ANKMY2: variants seen among roughly 807,000 people sequenced by gnomAD.
ANKMY2 encodes the protein ankyrin repeat and MYND domain containing 2.
ANKMY2 carries 36 observed loss-of-function variants against 50.4 expected under a neutral mutation model. The observed-to-expected ratio is 0.71, with a 90% CI of 0.55 to 0.94. The LOEUF is 0.94. ANKMY2 is among the 40% of genes least tolerant of loss of function. The probability of loss-of-function intolerance (pLI) is 0.00; values close to 1 mark genes in which losing one functional copy is unlikely to be tolerated. For synonymous variants in ANKMY2, 187 were observed against 178.8 expected, an observed-to-expected ratio of 1.05 and a Z score of -0.36; for missense variants, 565 against 524.0, an observed-to-expected ratio of 1.08 and a Z score of -0.76.
At chr7:16,606,255 G>A (rs1342458325) in intron 7 of ANKMY2, among the ~76,000 whole-genome samples, 1 of 151,970 alleles carries the variant, frequency 6.6e-6, no homozygotes, top group Non-Finnish European at 1.5e-5. Context: ...ACTTGGTGAA[G>A]CCCCGACTCT....
chr7:16,609,863 G>C, intron 6 of ANKMY2, 98 bp from the exon 7 acceptor site: 3 of 1,404,922 alleles, frequency 2.1e-6, no homozygotes, highest in Non-Finnish European at 2.9e-6. Context: ...TGTTACTTAT[G>C]ATTTTCTTTG....
chr7:16,605,167 A>G (rs1781132563), intron 7 of ANKMY2, among the ~76,000 whole-genome samples: 1 of 152,170 alleles, frequency 6.6e-6, no homozygotes, highest in Non-Finnish European at 1.5e-5. Flanking sequence ...TAGGACAATA[A>G]CTCCAGAGCA....
chr7:16,628,164 G>A (rs901805143), intron 2 of ANKMY2, among the ~76,000 whole-genome samples: 2 of 152,206 alleles, frequency 1.3e-5, no homozygotes, highest in African/African-American at 4.8e-5. Context: ...GCGAAACGCT[G>A]TAAGTACCAA....
chr7:16,622,137 C>T (rs1174450156), intron 4 of ANKMY2, among the ~76,000 whole-genome samples: 3 of 151,774 alleles, frequency 2.0e-5, no homozygotes, highest in East Asian at 1.9e-4. Flanking sequence ...GGAGGACTGG[C>T]ATAAAATATT....
At chr7:16,606,446 T>C (rs1187389488) in intron 7 of ANKMY2, among the ~76,000 whole-genome samples, 1 of 151,442 alleles carries the variant, frequency 6.6e-6, no homozygotes, top group Admixed American at 6.6e-5. Context: ...AAAAAAATTA[T>C]AAGGGTAAGC....
intron 4 of ANKMY2, among the ~76,000 whole-genome samples, chr7:16,617,510 T>C (rs1781372617): frequency 6.6e-6 from 1 of 152,160 alleles, no homozygotes; most frequent in South Asian, 2.1e-4. Context: ...ACATTTACCA[T>C]AACAATAACT....
chr7:16,628,241 G>C (rs1367014171), intron 2 of ANKMY2, among the ~76,000 whole-genome samples: 1 of 152,134 alleles, frequency 6.6e-6, no homozygotes, highest in Non-Finnish European at 1.5e-5. Context: ...GTGAAGCTTA[G>C]AATGCTAACA....
At chr7:16,611,145 G>C (rs552967802) in intron 5 of ANKMY2, among the ~76,000 whole-genome samples, 2 of 152,138 alleles carry the variant, frequency 1.3e-5, no homozygotes, top group African/African-American at 4.8e-5. Context: ...ACCACTTTTA[G>C]TTAACATTAC....
intron 7 of ANKMY2, among the ~76,000 whole-genome samples, chr7:16,605,833 C>A (rs1781150210): frequency 1.3e-5 from 2 of 152,026 alleles, no homozygotes; most frequent in Non-Finnish European, 1.5e-5. Flanking sequence ...CAGGCACCCG[C>A]CACCACGCCC....
intron 7 of ANKMY2, among the ~76,000 whole-genome samples, chr7:16,607,724 G>GT (rs34508950): frequency 0.22 from 23,169 of 107,410 alleles, 1,930 homozygotes; most frequent in African/African-American, 0.25. Context: ...TAGTTTTTCT[G>GT]TTTTTTCCCA....
rs998352729 is a variant in ANKMY2 at position 16,615,778 on chromosome 7, T to G, written c.497A>C (p.Lys166Thr). The G allele has an allele frequency of 1.1e-5, 18 of 1,614,104 alleles. No individual in the cohort carries two copies. Among genetic ancestry groups the G allele is most frequent in the Non-Finnish European group, 1.5e-5 (18 of 1,180,046 alleles). The change falls in exon 5 of 10, where the codon AAA becomes ACA. Residue 166 changes from lysine to threonine, a missense_variant. By Grantham distance (78) the Lys-to-Thr change is moderately conservative. Transcript: ENST00000306999. ...LPPKLAGPLH[K>T]IITTTNLHPV... ...ATGAAGATTCGTTGTGGTGATAATT[T>G]TGTGCAGCGGGCCTGCCAACTTTGG...
chr7:16,636,024 G>A (rs1045479847), intron 2 of ANKMY2, among the ~76,000 whole-genome samples: 1 of 151,994 alleles, frequency 6.6e-6, no homozygotes, highest in Non-Finnish European at 1.5e-5. Flanking sequence ...GAGATTTGAA[G>A]GCTGAGCGTG....
chr7:16,636,916 T>A (rs1423672404), intron 1 of ANKMY2, among the ~76,000 whole-genome samples: 1 of 152,228 alleles, frequency 6.6e-6, no homozygotes, highest in Non-Finnish European at 1.5e-5. Flanking sequence ...AATAGAGTGC[T>A]TGGTTTGGAA....
chr7:16,600,685 G>T lies in ANKMY2; in HGVS notation c.*76C>A. 2 of 1,346,774 alleles carry T rather than the reference G, an allele frequency of 1.5e-6. No homozygotes were observed. Among genetic ancestry groups the T allele is most frequent in the Non-Finnish European group, 2.0e-6 (2 of 999,902 alleles). The allele number at this position is 1,346,774 out of a possible 1,614,324, so 83.4% of individuals were successfully genotyped here. On this transcript the variant is annotated 3_prime_UTR_variant, in exon 10 of 10. Transcript: ENST00000306999. The stretch of plus-strand genomic sequence containing the variant: ...TGGTGCCACGCAGGTATAACAAGGT[G>T]AGGACAATGCATTCCTAGGAGTTTT...
At chr7:16,612,232 T>A (rs368880604) in intron 5 of ANKMY2, among the ~76,000 whole-genome samples, 1 of 152,206 alleles carries the variant, frequency 6.6e-6, no homozygotes, top group African/African-American at 2.4e-5. Context: ...ATTCTTTTCT[T>A]TAGGCATGAA....
Position 16,615,874 on chromosome 7 carries a change from T to G in ANKMY2, c.401A>C (p.Asn134Thr). 1 of 1,613,780 alleles carries G rather than the reference T, an allele frequency of 6.2e-7. No homozygotes were observed. The highest frequency in any genetic ancestry group is 1.1e-5 in the South Asian group (1 of 91,010). ...GQHDCVTIIN[N>T]FFPRERLDYY... is the part of the protein sequence containing the mutation. ...ATCCAGTCTCTCTCGAGGAAAGAAA[T>G]TGTTGATTATGGTCACACAATCATG... The change falls in exon 5 of 10, where the codon AAT (asparagine) becomes ACT (threonine). Residue 134 changes from asparagine (N) to threonine (T), a missense_variant. Transcript: ENST00000306999.
At chr7:16,619,876 A>C (rs1239123222) in intron 4 of ANKMY2, among the ~76,000 whole-genome samples, 1 of 152,170 alleles carries the variant, frequency 6.6e-6, no homozygotes, top group African/African-American at 2.4e-5. Context: ...TTTACTTTCA[A>C]GGATAAACTG....
chr7:16,616,342 A>G (rs1012777558), intron 4 of ANKMY2, among the ~76,000 whole-genome samples: 11 of 152,182 alleles, frequency 7.2e-5, no homozygotes, highest in African/African-American at 2.4e-4. Flanking sequence ...TAATGATAAT[A>G]TTAAACTAAA....
intron 2 of ANKMY2, 122 bp from the exon 3 acceptor site, chr7:16,627,300 T>A: frequency 1.8e-6 from 1 of 562,932 alleles, no homozygotes. Flanking sequence ...CATTATAATA[T>A]GTATTTTTAT....
Sources: allele counts gnomAD v4.1 joint callset (sites outside exome capture counted in the v4.1 genomes callset), GRCh38; gene constraint gnomAD v4.1.1; transcripts MANE v1.5; gene names NCBI Gene and HGNC (gene_info 2026-07-23, HGNC 2026-07-21).